Variants in ASPH observed in about 807,000 individuals in gnomAD.
ASPH encodes aspartate beta-hydroxylase, also known as aspartyl/asparaginyl beta-hydroxylase.
Under a neutral mutation model 118.4 loss-of-function variants are expected in ASPH, and 100 were observed. The ratio of observed to expected loss-of-function variants is 0.84; its 90% CI spans 0.72 to 1.00. ASPH has a LOEUF of 1.00. Among genes scored for constraint, ASPH ranks in the 50% least tolerant of loss-of-function variants. The pLI is 0.00. For missense variants in ASPH, 920 were observed against 919.5 expected, an observed-to-expected ratio of 1.00 and a Z score of -0.01; for synonymous variants, 315 against 325.6, an observed-to-expected ratio of 0.97 and a Z score of 0.35.
At chr8:61,646,901 A>G in intron 5 of ASPH, 23 bp from the exon 6 acceptor site, 3 of 1,613,308 alleles carry the variant, frequency 1.9e-6, no homozygotes, top group Non-Finnish European at 8.5e-7. Flanking sequence ...ACAAAGTGAC[A>G]CTGGCAACAT....
At chr8:61,649,163 CCA>C (rs1302343214) in intron 5 of ASPH, among the ~76,000 whole-genome samples, 1 of 152,114 alleles carries the variant, frequency 6.6e-6, no homozygotes, top group East Asian at 1.9e-4. Flanking sequence ...TGGCAAGAAG[CCA>C]CGGTCACACC....
At chr8:61,650,901 C>T in intron 5 of ASPH, 149 bp downstream of exon 5, 2 of 699,232 alleles carry the variant, frequency 2.9e-6, no homozygotes, top group Non-Finnish European at 4.7e-6. Context: ...TCAAAAACAA[C>T]ACCTGCTATC....
Position 61,711,654 on chromosome 8 carries a change from GA to G in ASPH, c.103+2614del, listed in dbSNP as rs530107077. Among the ~76,000 whole-genome samples, 401 of 145,096 alleles carry G rather than the reference GA, an allele frequency of 2.8e-3. 3 individuals are homozygous for G. The highest frequency in any genetic ancestry group is 8.9e-3 in the African/African-American group (354 of 39,668). ...AACCACCAAGATAAAGTTTGGCCAG[GA>G]AAAAAAAAAGAAATCACCTTTTCCC... On this transcript the variant is annotated intron_variant, in intron 1 of 24. Coordinates refer to ENST00000379454, the MANE Select transcript of ASPH (RefSeq NM_004318.4).
intron 1 of ASPH, among the ~76,000 whole-genome samples, chr8:61,705,343 G>T (rs2151895628): frequency 6.6e-6 from 1 of 152,190 alleles, no homozygotes; most frequent in South Asian, 2.1e-4. Flanking sequence ...CCAAACCCCT[G>T]TGACATGCAA....
chr8:61,521,251 T>G (rs1450725815), intron 22 of ASPH, among the ~76,000 whole-genome samples: 3 of 152,228 alleles, frequency 2.0e-5, no homozygotes, highest in Non-Finnish European at 4.4e-5. Context: ...CTGGACCCAG[T>G]GTTCATGCTC....
chr8:61,677,250 T>C (rs1825854005), intron 3 of ASPH, among the ~76,000 whole-genome samples: 1 of 152,156 alleles, frequency 6.6e-6, no homozygotes, highest in Admixed American at 6.6e-5. Flanking sequence ...TTTTCATCAT[T>C]TGTTTTTTTC....
intron 21 of ASPH, among the ~76,000 whole-genome samples, chr8:61,535,684 A>C (rs1819210069): frequency 6.6e-6 from 1 of 152,222 alleles, no homozygotes; most frequent in Non-Finnish European, 1.5e-5. Flanking sequence ...GCTTGTCATT[A>C]GTTATTATTT....
chr8:61,578,678 T>C, intron 15 of ASPH: 2 of 1,604,872 alleles, frequency 1.2e-6, no homozygotes, highest in Non-Finnish European at 1.7e-6. Context: ...AGCTGGAGAC[T>C]CTGGGCCAGG....
At chr8:61,627,542 A>G (rs1215035131) in intron 13 of ASPH, among the ~76,000 whole-genome samples, 2 of 152,168 alleles carry the variant, frequency 1.3e-5, no homozygotes, top group Non-Finnish European at 2.9e-5. Context: ...TCAACATTTG[A>G]GCATTTCCAC....
rs186033296 is a variant in ASPH at position 61,559,063 on chromosome 8, T to C, written c.1438-3041A>G. On this transcript the variant is annotated intron_variant, in intron 18 of 24. Coordinates refer to ENST00000379454, the MANE Select transcript of ASPH (RefSeq NM_004318.4). ...TAATTTTTTAATTTTTGTAGGTACA[T>C]AGTAGGTGTATGTATTTATGGGGTA... Among the ~76,000 whole-genome samples the C allele has an allele frequency of 2.0e-3, 306 of 152,294 alleles. 2 individuals carry two copies. The highest frequency in any genetic ancestry group is 7.0e-3 in the African/African-American group (291 of 41,580).
At chr8:61,588,349 C>T (rs1000715628) in intron 14 of ASPH, among the ~76,000 whole-genome samples, 12 of 152,128 alleles carry the variant, frequency 7.9e-5, no homozygotes, top group African/African-American at 2.4e-4. Flanking sequence ...TAGCTGAAGG[C>T]AGGAGGAAAA....
chr8:61,597,196 G>GAAAA (rs34291472), intron 14 of ASPH, among the ~76,000 whole-genome samples: 7 of 112,788 alleles, frequency 6.2e-5, no homozygotes, highest in Admixed American at 1.9e-4. Flanking sequence ...ATCCAGTCAG[G>GAAAA]AAAAAAAAAA....
At chr8:61,665,629 GA>G in intron 3 of ASPH, 1 of 1,540,168 alleles carries the variant, frequency 6.5e-7, no homozygotes. Flanking sequence ...CCAATTAAAG[GA>G]AAAAATGTTT....
At chr8:61,644,049 C>T (rs776889025) in intron 7 of ASPH, 48 bp from the exon 8 acceptor site, 1 of 1,392,204 alleles carries the variant, frequency 7.2e-7, no homozygotes, top group South Asian at 1.2e-5. Flanking sequence ...ATAAGGAATA[C>T]ATGTAATATT....
intron 21 of ASPH, among the ~76,000 whole-genome samples, chr8:61,539,605 T>C (rs1385506313): frequency 6.6e-6 from 1 of 152,000 alleles, no homozygotes; most frequent in Non-Finnish European, 1.5e-5. Context: ...ATTAGGAGAC[T>C]GCCTTTCCCT....
chr8:61,567,051 G>A, intron 17 of ASPH, 117 bp downstream of exon 17: 1 of 1,267,148 alleles, frequency 7.9e-7, no homozygotes, highest in South Asian at 1.5e-5. Context: ...CTTGAAATCA[G>A]TTGTAAAACT....
chr8:61,515,032 A>G, intron 24 of ASPH, among the ~76,000 whole-genome samples: 1 of 127,074 alleles, frequency 7.9e-6, no homozygotes. Context: ...GGGAGGGAGG[A>G]GGAAGGAAAG....
intron 7 of ASPH, among the ~76,000 whole-genome samples, 154 bp from the exon 8 acceptor site, chr8:61,644,155 T>C (rs999085477): frequency 6.6e-6 from 1 of 152,214 alleles, no homozygotes; most frequent in Non-Finnish European, 1.5e-5. Flanking sequence ...AAATAGGTAT[T>C]AAGTGTGTTA....
In ASPH at chr8:61,625,473, T is replaced by C. The variant is rs1044973281; in HGVS notation, c.935-6454A>G. ...ACAGGTTTTCTAAAATTTAAACAAA[T>C]GCTGAAGAGACTATAGCTATTATAT... is the stretch of plus-strand genomic sequence containing the variant. On this transcript the variant is annotated intron_variant, in intron 13 of 24. Coordinates refer to ENST00000379454, the MANE Select transcript of ASPH (RefSeq NM_004318.4). 4 of 985,220 alleles carry C rather than the reference T, an allele frequency of 4.1e-6. No individual in the cohort carries two copies. The South Asian group carries it at 1.4e-4, about 35-fold the overall frequency. The allele number at this position is 985,220 out of a possible 1,614,324, so 61.0% of individuals were successfully genotyped here. A position where few individuals can be genotyped will look rare whatever the true frequency, so the allele number is the denominator to read the frequency against.
Sources: gnomAD v4.1 joint callset for allele counts (sites outside exome capture counted in the v4.1 genomes callset) on GRCh38, gnomAD v4.1.1 for gene constraint, MANE v1.5 for transcripts, NCBI Gene and HGNC (gene_info 2026-07-23, HGNC 2026-07-21) for gene names.